Variants in SGCD observed in about 807,000 individuals in gnomAD.
SGCD encodes delta-sarcoglycan.
In SGCD, 18 loss-of-function variants were observed where a neutral mutation model predicts 36.6. The ratio of observed to expected loss-of-function variants is 0.49; its 90% CI spans 0.34 to 0.73. SGCD has a LOEUF of 0.73. SGCD is among the 30% of genes least tolerant of loss of function. The pLI is 0.01. For missense variants in SGCD, 387 were observed against 346.7 expected, an observed-to-expected ratio of 1.12 and a Z score of -0.92; for synonymous variants, 133 against 130.6, an observed-to-expected ratio of 1.02 and a Z score of -0.12.
At chr5:155,886,112 A>C (rs993449020) in intron 1 of SGCD, among the ~76,000 whole-genome samples, 1 of 152,224 alleles carries the variant, frequency 6.6e-6, no homozygotes, top group Non-Finnish European at 1.5e-5. Flanking sequence ...AAAATTATTT[A>C]CTGCATGTCT....
chr5:156,185,438 TC>T (rs1331824877), intron 3 of SGCD, among the ~76,000 whole-genome samples: 4 of 151,958 alleles, frequency 2.6e-5, no homozygotes, highest in Non-Finnish European at 5.9e-5. Flanking sequence ...ATGGTCTCGA[TC>T]TCCTGACCTT....
rs188100201 is a variant in SGCD at position 156,320,268 on chromosome 5, T to C, written c.-43-9266T>C. On this transcript the variant is annotated intron_variant, in intron 3 of 9. Coordinates refer to the SGCD transcript ENST00000517913. Reference sequence around the variant, plus strand: ...TGTGTCTTGTACCACTGAGCACTGATATGATTGCAAAAATAAAGATGAGTG... The same window carrying C: ...TGTGTCTTGTACCACTGAGCACTGACATGATTGCAAAAATAAAGATGAGTG... 1.1e-3 allele frequency among the ~76,000 whole-genome samples: 162 copies of C among 152,304 alleles called. 1 individual carries two copies. The highest frequency in any genetic ancestry group is 3.8e-3 in the African/African-American group (157 of 41,556).
chr5:156,026,596 G>C (rs1759230407), intron 1 of SGCD, among the ~76,000 whole-genome samples: 1 of 152,156 alleles, frequency 6.6e-6, no homozygotes. Flanking sequence ...TTTTGTCCTT[G>C]GGAAGGCTTA....
chr5:156,554,777 T>C (rs910112802), intron 4 of SGCD, among the ~76,000 whole-genome samples: 2 of 152,024 alleles, frequency 1.3e-5, no homozygotes, highest in African/African-American at 4.8e-5. Context: ...CTGGGTCATG[T>C]GGAAATTCTG....
chr5:156,562,248 G>A (rs1000347988), intron 4 of SGCD, among the ~76,000 whole-genome samples: 1 of 152,158 alleles, frequency 6.6e-6, no homozygotes, highest in Non-Finnish European at 1.5e-5. Flanking sequence ...GAAAAGTGTA[G>A]CATATTATAC....
intron 3 of SGCD, among the ~76,000 whole-genome samples, chr5:156,235,155 G>A (rs958862137): frequency 6.6e-6 from 1 of 152,098 alleles, no homozygotes; most frequent in African/African-American, 2.4e-5. Context: ...TGAGGAGAAG[G>A]AACCATCAAT....
chr5:156,162,285 T>C (rs1308693014), intron 3 of SGCD, among the ~76,000 whole-genome samples: 1 of 151,652 alleles, frequency 6.6e-6, no homozygotes, highest in Non-Finnish European at 1.5e-5. Context: ...CAGGCTACTG[T>C]TGGGGAAGCT....
chr5:155,950,036 G>A (rs894452367), intron 1 of SGCD, among the ~76,000 whole-genome samples: 2 of 152,098 alleles, frequency 1.3e-5, no homozygotes. Flanking sequence ...ATTCAGTTTA[G>A]TTTTGAAAAT....
chr5:156,586,065 T>G (rs1413363060), intron 4 of SGCD, among the ~76,000 whole-genome samples: 12 of 113,698 alleles, frequency 1.1e-4, no homozygotes, highest in African/African-American at 4.5e-4. Context: ...ACTTTGGTGT[T>G]TTTTTTTTTT....
At chr5:155,757,584 C>A in the SGCD span, among the ~76,000 whole-genome samples, 1 of 152,092 alleles carries the variant, frequency 6.6e-6, no homozygotes, top group South Asian at 2.1e-4. Context: ...ACATAGACAC[C>A]CAGCTACTGT....
chr5:156,204,188 C>T (rs1230375515), intron 3 of SGCD, among the ~76,000 whole-genome samples: 1 of 151,984 alleles, frequency 6.6e-6, no homozygotes, highest in African/African-American at 2.4e-5. Flanking sequence ...GTTACTGGAC[C>T]TGCAGCTCCA....
chr5:156,351,615 A>G (rs557850123), intron 3 of SGCD, among the ~76,000 whole-genome samples: 21 of 151,382 alleles, frequency 1.4e-4, no homozygotes, highest in African/African-American at 4.9e-4. Context: ...CATCATCATC[A>G]TCATCATCAT....
At chr5:156,412,742 G>C (rs1001141084) in intron 3 of SGCD, among the ~76,000 whole-genome samples, 2 of 151,036 alleles carry the variant, frequency 1.3e-5, no homozygotes, top group Non-Finnish European at 2.9e-5. Context: ...GTTCCAGGTG[G>C]TACAAAGCAC....
intron 3 of SGCD, among the ~76,000 whole-genome samples, chr5:156,243,038 G>A (rs1435796901): frequency 6.6e-6 from 1 of 152,218 alleles, no homozygotes; most frequent in African/African-American, 2.4e-5. Flanking sequence ...TGAGGGTGGT[G>A]CATGAGAAGA....
intron 4 of SGCD, among the ~76,000 whole-genome samples, chr5:156,546,025 G>GTCCC (rs950226080): frequency 5.9e-5 from 9 of 152,104 alleles, no homozygotes; most frequent in African/African-American, 2.2e-4. Flanking sequence ...AAGAATAAAT[G>GTCCC]TCCCTCAAAA....
chr5:156,430,951 G>A (rs1389872174), intron 3 of SGCD, among the ~76,000 whole-genome samples: 4 of 152,136 alleles, frequency 2.6e-5, no homozygotes, highest in African/African-American at 9.7e-5. Context: ...CGATGATTCA[G>A]GCTTCAGGCC....
chr5:155,952,904 A>G (rs1757573960), intron 1 of SGCD, among the ~76,000 whole-genome samples: 1 of 152,204 alleles, frequency 6.6e-6, no homozygotes, highest in Admixed American at 6.5e-5. Context: ...AAATGATTAG[A>G]TGGCAATTTG....
In SGCD at chr5:156,757,263, C is replaced by CAAAAAA. The variant is rs34767809; in HGVS notation, c.576-296_576-291dup. 1.9e-4 allele frequency among the ~76,000 whole-genome samples: 13 copies of CAAAAAA among 69,392 alleles called. 4 individuals carry two copies. Among genetic ancestry groups the CAAAAAA allele is most frequent in the Admixed American group, 4.8e-4 (2 of 4,148 alleles). The allele number at this position is 69,392 out of a possible 152,430, so 45.5% of individuals were successfully genotyped here. A position where few individuals can be genotyped will look rare whatever the true frequency, so the allele number is the denominator to read the frequency against. On this transcript the variant is annotated intron_variant, in intron 7 of 8. Transcript: ENST00000337851. ...TAGATCCGGGATTGACTTACTTTTA[C>CAAAAAA]AAAAAAAAAAAAAAAAAAAAAAAAA...
chr5:155,936,378 T>G (rs1332455291), intron 1 of SGCD, among the ~76,000 whole-genome samples: 1 of 152,104 alleles, frequency 6.6e-6, no homozygotes, highest in African/African-American at 2.4e-5. Flanking sequence ...AGCTCCTCTT[T>G]GCAGCCAGAA....
Sources: allele counts gnomAD v4.1 joint callset (sites outside exome capture counted in the v4.1 genomes callset), GRCh38; gene constraint gnomAD v4.1.1; transcripts MANE v1.5; gene names NCBI Gene and HGNC (gene_info 2026-07-23, HGNC 2026-07-21).